NASP: variants seen among roughly 807,000 people sequenced by gnomAD.
NASP encodes the protein NASP histone chaperone.
In NASP, 24 loss-of-function variants were observed where a neutral mutation model predicts 89.5. That is an observed-to-expected ratio of 0.27 (90% CI 0.19 to 0.38). NASP has a LOEUF of 0.38. Ranked by LOEUF, NASP falls within the 10% of genes least tolerant of loss-of-function variation. NASP has a pLI of 1.00. For synonymous variants in NASP, 306 were observed against 324.7 expected, an observed-to-expected ratio of 0.94 and a Z score of 0.62; for missense variants, 848 against 921.4, an observed-to-expected ratio of 0.92 and a Z score of 1.03.
Position 45,606,818 on chromosome 1 carries a change from T to C in NASP, c.409+227T>C, listed in dbSNP as rs140435583. The C allele has an allele frequency of 1.4e-5, 6 of 418,004 alleles. No individual in the cohort carries two copies. The East Asian group carries it at 2.4e-4, about 17-fold the overall frequency. 25.9% of individuals were successfully genotyped at this position (418,004 alleles called of 1,614,324 possible). A position where few individuals can be genotyped will look rare whatever the true frequency, so the allele number is the denominator to read the frequency against. ...TCTCAAGTAAATCCAGTTATTTCGA[T>C]TGGGGTTTTTTAAATCAAAAAGATA... On this transcript the variant is annotated intron_variant, in intron 5 of 14. Coordinates refer to ENST00000350030, the MANE Select transcript of NASP (RefSeq NM_002482.4).
intron 2 of NASP, among the ~76,000 whole-genome samples, chr1:45,595,288 G>T (rs760084575): frequency 1.3e-5 from 2 of 151,850 alleles, no homozygotes; most frequent in African/African-American, 2.4e-5. Context: ...GGAATTACAG[G>T]CATGAGCCAC....
At chr1:45,615,277 C>T (rs970358002) in intron 10 of NASP, 28 bp from the exon 11 acceptor site, 1 of 1,611,070 alleles carries the variant, frequency 6.2e-7, no homozygotes, top group Non-Finnish European at 8.5e-7. Flanking sequence ...CTTTTTTGAG[C>T]CATTACTAAT....
At chr1:45,606,665 C>T (rs2148357607) in intron 5 of NASP, 74 bp downstream of exon 5, 1 of 1,009,314 alleles carries the variant, frequency 9.9e-7, no homozygotes, top group East Asian at 2.5e-5. Flanking sequence ...GGAAACGGGG[C>T]TCTACCTGTC....
chr1:45,595,129 T>TTTTGTG (rs1423142685), intron 2 of NASP, among the ~76,000 whole-genome samples: 13 of 111,868 alleles, frequency 1.2e-4, no homozygotes, highest in African/African-American at 4.2e-4. Context: ...AGACTAAGTT[T>TTTTGTG]TGTGTGTGTG....
In NASP at chr1:45,584,180, G is replaced by A; in HGVS notation, c.34G>A (p.Ala12Thr). 1 of 1,596,672 alleles carries A rather than the reference G, an allele frequency of 6.3e-7. No individual in the cohort carries two copies. Among genetic ancestry groups the A allele is most frequent in the South Asian group, 1.1e-5 (1 of 88,094 alleles). The change falls in exon 1 of 15, where the codon GCC becomes ACC. Residue 12 changes from alanine to threonine, a missense_variant. This residue lies in a region of NASP where 89 missense variants were observed against 79.2 expected (regional missense o/e 1.12). Transcript: ENST00000350030. ...GGAGTCCACAGCCACTGCCGCCGTC[G>A]CCGCGGAGCTGGTTTCTGCCGACAA... ...AMESTATAAV[A>T]AELVSADKIE...
At chr1:45,588,744 C>G (rs775711902) in intron 1 of NASP, 6 of 316,024 alleles carry the variant, frequency 1.9e-5, no homozygotes, top group African/African-American at 1.2e-4. Context: ...CGAGACCATC[C>G]TGGCTAACAC....
In NASP at chr1:45,586,489, T is replaced by C. The variant is rs141471351; in HGVS notation, c.59+2284T>C. Among the ~76,000 whole-genome samples, 387 of 152,270 alleles carry C rather than the reference T, an allele frequency of 2.5e-3. 2 individuals carry two copies. The highest frequency in any genetic ancestry group is 9.2e-3 in the African/African-American group (382 of 41,546). ...ATTTTGTAAAGACGAGTTTTTGCCA[T>C]GTTGCCCAGGCTGGTCTCCCAACGC... On this transcript the variant is annotated intron_variant, in intron 1 of 14. Coordinates refer to ENST00000350030, the MANE Select transcript of NASP (RefSeq NM_002482.4).
chr1:45,616,287 G>A, intron 11 of NASP, 50 bp from the exon 12 acceptor site: 1 of 1,544,940 alleles, frequency 6.5e-7, no homozygotes, highest in Non-Finnish European at 9.0e-7. Flanking sequence ...AAGGCTGTGG[G>A]CGGCCTGGGT....
In NASP at chr1:45,599,803, C is replaced by T. The variant is rs72883652; in HGVS notation, c.108-2452C>T. Among the ~76,000 whole-genome samples the T allele has an allele frequency of 5.1e-3, 769 of 152,270 alleles. 7 individuals are homozygous for T. Among genetic ancestry groups the T allele is most frequent in the African/African-American group, 0.017 (723 of 41,548 alleles). On this transcript the variant is annotated intron_variant, in intron 2 of 14. Coordinates refer to ENST00000350030, the MANE Select transcript of NASP (RefSeq NM_002482.4). ...TAAAGTCTATACTAATGTGATGCTG[C>T]TCTCTCCCTCTTCCTCACCTTTATT...
rs750921551 is a variant in NASP, at chr1:45,608,068, TAGG to T, written c.1160_1162del (p.Gly387del). The T allele has an allele frequency of 1.2e-6, 2 of 1,613,928 alleles. No individual in the cohort carries two copies. Among genetic ancestry groups the T allele is most frequent in the Non-Finnish European group, 8.5e-7 (1 of 1,179,866 alleles). On this transcript the variant is annotated inframe_deletion, in exon 6 of 15. Transcript: ENST00000350030. ...GGTGCAGTCAATGGACCGTCAGTTG[TAGG>T]AGATCAGACTCCTATTGAACCACAG...
At chr1:45,612,388 GTTGT>G (rs910096724) in intron 6 of NASP, 4 of 152,200 alleles carry the variant, frequency 2.6e-5, no homozygotes, top group Admixed American at 6.5e-5. Context: ...CAATTCATGA[GTTGT>G]TTGTGTTAAC....
At chr1:45,609,176 C>T (rs1165861151) in intron 6 of NASP, 17 of 152,272 alleles carry the variant, frequency 1.1e-4, no homozygotes, top group Admixed American at 8.5e-4. Context: ...CTGACTTTTG[C>T]TATCATTTGA....
chr1:45,615,571 T>G (rs1346161445), intron 11 of NASP, 100 bp downstream of exon 11: 1 of 1,136,856 alleles, frequency 8.8e-7, no homozygotes, highest in African/African-American at 1.6e-5. Context: ...TTCCAGGGAG[T>G]TGGTGGGCTC....
At chr1:45,594,190 G>A (rs564191221) in intron 2 of NASP, among the ~76,000 whole-genome samples, 18 of 151,900 alleles carry the variant, frequency 1.2e-4, no homozygotes, top group Admixed American at 8.5e-4. Context: ...TTAGCCGGTC[G>A]TGGTGGCTAG....
chr1:45,586,579 A>G (rs1352786859), intron 1 of NASP, among the ~76,000 whole-genome samples: 1 of 151,926 alleles, frequency 6.6e-6, no homozygotes, highest in Non-Finnish European at 1.5e-5. Context: ...GTGAGCCACC[A>G]AGCCTGGCTA....
intron 1 of NASP, chr1:45,588,665 C>A: frequency 2.2e-6 from 1 of 448,438 alleles, no homozygotes; most frequent in African/African-American, 2.0e-5. Context: ...AGCGGCCGGG[C>A]GCGGTGGCTC....
At chr1:45,608,549 AAC>A (rs1557662333) in intron 6 of NASP, among the ~76,000 whole-genome samples, 2 of 152,210 alleles carry the variant, frequency 1.3e-5, no homozygotes, top group African/African-American at 4.8e-5. Context: ...CTTATAAACT[AAC>A]ACTTTTACTA....
intron 1 of NASP, among the ~76,000 whole-genome samples, 185 bp downstream of exon 1, chr1:45,584,390 C>T (rs1369420675): frequency 6.6e-6 from 1 of 152,214 alleles, no homozygotes; most frequent in African/African-American, 2.4e-5. Flanking sequence ...CGCGCAGCAG[C>T]GGTAACGGCG....
chr1:45,608,703 A>G (rs947481118), intron 6 of NASP, among the ~76,000 whole-genome samples: 1 of 152,200 alleles, frequency 6.6e-6, no homozygotes, highest in African/African-American at 2.4e-5. Context: ...AGGCTGGCAG[A>G]GAATGCTGAA....
Sources: allele counts gnomAD v4.1 joint callset (sites outside exome capture counted in the v4.1 genomes callset), GRCh38; gene constraint gnomAD v4.1.1; regional missense constraint gnomAD v4.1.1; transcripts MANE v1.5; gene names NCBI Gene and HGNC (gene_info 2026-07-23, HGNC 2026-07-21).